The following MDGA2 variants were observed in gnomAD, a reference collection of about 807,000 sequenced individuals.
MDGA2 encodes MAM domain containing glycosylphosphatidylinositol anchor 2, also known as MAM domain-containing glycosylphosphatidylinositol anchor protein 2.
A neutral mutation model predicts 117.8 loss-of-function variants in MDGA2; 40 were observed. The observed-to-expected ratio is 0.34, with a 90% CI of 0.26 to 0.44. MDGA2 has a LOEUF of 0.44. Ranked by LOEUF, MDGA2 falls within the 20% of genes least tolerant of loss-of-function variation. The pLI is 1.00. For missense variants in MDGA2, 1,123 were observed against 1,250.6 expected (o/e 0.90, Z 1.54); for synonymous variants, 452 against 439.0 (o/e 1.03, Z -0.37).
chr14:47,588,980 T>C (rs1412634086), intron 1 of MDGA2, among the ~76,000 whole-genome samples: 1 of 151,878 alleles, frequency 6.6e-6, no homozygotes, highest in Non-Finnish European at 1.5e-5. Flanking sequence ...GGTTCCATCT[T>C]TACATTTCCT....
chr14:46,932,803 TTA>T (rs1340664215), intron 9 of MDGA2, among the ~76,000 whole-genome samples: 9 of 152,016 alleles, frequency 5.9e-5, no homozygotes, highest in Non-Finnish European at 1.3e-4. Flanking sequence ...CCTTACAACA[TTA>T]TGTCTTTTTT....
At chr14:47,286,699 T>C (rs1299021069) in intron 2 of MDGA2, among the ~76,000 whole-genome samples, 4 of 151,494 alleles carry the variant, frequency 2.6e-5, no homozygotes, top group Admixed American at 1.3e-4. Context: ...AGATCCCATA[T>C]ATTTTACCCT....
At position 47,328,141 on chromosome 14, in the gene MDGA2, G is replaced by A. The variant is rs187898408; in HGVS notation, c.281-26591C>T. On this transcript the variant is annotated intron_variant, in intron 1 of 16. Transcript: ENST00000399232. Reference sequence around the variant, plus strand: ...AGCTTCTTCATGATCAAAAGATTGAGGTGATTTTTTAACCATCACTTGACA... The same window carrying A: ...AGCTTCTTCATGATCAAAAGATTGAAGTGATTTTTTAACCATCACTTGACA... Among the ~76,000 whole-genome samples, 40 of 152,184 alleles carry A rather than the reference G, an allele frequency of 2.6e-4. No homozygotes were observed. The East Asian group carries it at 6.8e-3, about 26-fold the overall frequency.
At position 46,863,190 on chromosome 14, in the gene MDGA2, T is replaced by G. The variant is rs190352236; in HGVS notation, c.2753-8036A>C. 3.5e-3 allele frequency among the ~76,000 whole-genome samples: 535 copies of G among 152,166 alleles called. 5 individuals are homozygous for G. Among genetic ancestry groups the G allele is most frequent in the African/African-American group, 0.012 (511 of 41,536 alleles). The stretch of plus-strand genomic sequence containing the variant: ...ACCTCCTATATAATTCCCTCTTTTG[T>G]AGGATGCTTTATATTTCTTCTCTTC... On this transcript the variant is annotated intron_variant, in intron 14 of 16. Coordinates refer to ENST00000399232, the MANE Select transcript of MDGA2 (RefSeq NM_001113498.3).
chr14:47,562,376 T>TTTGG (rs571648710), intron 1 of MDGA2, among the ~76,000 whole-genome samples: 103 of 152,230 alleles, frequency 6.8e-4, no homozygotes, highest in Non-Finnish European at 1.3e-3. Context: ...TGTTTGTTTG[T>TTTGG]TTGGTTGGTT....
chr14:47,225,705 T>C (rs1329637081), intron 2 of MDGA2, among the ~76,000 whole-genome samples: 2 of 151,912 alleles, frequency 1.3e-5, no homozygotes, highest in Non-Finnish European at 2.9e-5. Context: ...GAGATATACC[T>C]AATGCTAAAT....
chr14:47,284,015 C>G (rs1888588063), intron 2 of MDGA2, among the ~76,000 whole-genome samples: 1 of 152,168 alleles, frequency 6.6e-6, no homozygotes, highest in Admixed American at 6.5e-5. Flanking sequence ...ACTTTGGTAG[C>G]CTCTGTCCCC....
chr14:47,255,851 G>A (rs1352492628), intron 2 of MDGA2, among the ~76,000 whole-genome samples: 2 of 151,974 alleles, frequency 1.3e-5, no homozygotes, highest in East Asian at 3.9e-4. Context: ...TCTGGTAAAT[G>A]AGATCATAGA....
chr14:47,022,468 T>A, intron 8 of MDGA2, among the ~76,000 whole-genome samples: 1 of 152,182 alleles, frequency 6.6e-6, no homozygotes, highest in African/African-American at 2.4e-5. Context: ...GATCTAGGCA[T>A]TTTTACAGTA....
intron 9 of MDGA2, among the ~76,000 whole-genome samples, chr14:46,941,180 C>T (rs370086309): frequency 1.1e-4 from 17 of 152,156 alleles, no homozygotes; most frequent in Middle Eastern, 3.4e-3. Flanking sequence ...AGTTGGATCC[C>T]GAGGCTCCTA....
intron 1 of MDGA2, among the ~76,000 whole-genome samples, chr14:47,348,974 A>C (rs79583009): frequency 1.3e-5 from 2 of 152,212 alleles, no homozygotes; most frequent in Non-Finnish European, 2.9e-5. Context: ...AAAGGATGGA[A>C]AAAATAAACT....
chr14:47,673,667 TGTGC>T (rs757122226), intron 1 of MDGA2, among the ~76,000 whole-genome samples: 1 of 143,532 alleles, frequency 7.0e-6, no homozygotes, highest in Non-Finnish European at 1.5e-5. Flanking sequence ...TGTGTGTGTG[TGTGC>T]TTCCATCCTG....
rs1193304203 is a variant in MDGA2, at chr14:47,209,324, T to C, written c.595+8697A>G. Among the ~76,000 whole-genome samples, 6 of 152,096 alleles carry C rather than the reference T, an allele frequency of 3.9e-5. No individual in the cohort carries two copies. The East Asian group carries it at 1.2e-3, about 29-fold the overall frequency. Reference sequence around the variant, plus strand: ...TTAACATTGCAAACTGACAGACTAATTGAAGTGGCCTTCCCAGCCCTCCAG... The same window carrying C: ...TTAACATTGCAAACTGACAGACTAACTGAAGTGGCCTTCCCAGCCCTCCAG... On this transcript the variant is annotated intron_variant, in intron 3 of 16. Transcript: ENST00000399232.
chr14:46,889,758 T>C (rs1487064191), intron 10 of MDGA2, among the ~76,000 whole-genome samples: 3 of 152,006 alleles, frequency 2.0e-5, no homozygotes, highest in African/African-American at 7.2e-5. Flanking sequence ...CCAGGCCCCA[T>C]TCCTTGAAAA....
rs573892252 is a variant in MDGA2, at chr14:47,597,475, C to A, written c.280+77042G>T. ...AAGTTAATAATGTTGGTAAAATTTT[C>A]CAACTATAATATGACTAGCCCCGGG... On this transcript the variant is annotated intron_variant, in intron 1 of 16. Coordinates refer to ENST00000399232, the MANE Select transcript of MDGA2 (RefSeq NM_001113498.3). 1.9e-3 allele frequency among the ~76,000 whole-genome samples: 289 copies of A among 151,954 alleles called. 1 individual carries two copies. Among genetic ancestry groups the A allele is most frequent in the African/African-American group, 6.7e-3 (276 of 41,482 alleles).
At chr14:47,104,250 A>T (rs576321751) in intron 5 of MDGA2, among the ~76,000 whole-genome samples, 13 of 152,190 alleles carry the variant, frequency 8.5e-5, no homozygotes, top group African/African-American at 3.1e-4. Context: ...TTGCACGTAT[A>T]TGCCCAGATG....
chr14:47,098,613 C>G (rs1880120929), intron 5 of MDGA2, among the ~76,000 whole-genome samples: 1 of 151,716 alleles, frequency 6.6e-6, no homozygotes, highest in Non-Finnish European at 1.5e-5. Context: ...AGATATTATA[C>G]TTAATTATTA....
At chr14:47,380,731 C>T (rs1310788976) in intron 1 of MDGA2, among the ~76,000 whole-genome samples, 2 of 151,864 alleles carry the variant, frequency 1.3e-5, no homozygotes, top group African/African-American at 2.4e-5. Flanking sequence ...AGCCTACCAA[C>T]CAAAAAATGT....
rs565673499 is a variant in MDGA2, at chr14:47,081,453, C to T, written c.1195+15401G>A. Reference sequence around the variant, plus strand: ...AACAATATACTACCCACTTATAATGCAACTTCTAAACATATAACATCTGTG... The same window carrying T: ...AACAATATACTACCCACTTATAATGTAACTTCTAAACATATAACATCTGTG... On this transcript the variant is annotated intron_variant, in intron 6 of 16. Coordinates refer to ENST00000399232, the MANE Select transcript of MDGA2 (RefSeq NM_001113498.3). 8.5e-5 allele frequency among the ~76,000 whole-genome samples: 13 copies of T among 152,210 alleles called. No individual in the cohort carries two copies. The South Asian group carries it at 2.7e-3, about 32-fold the overall frequency.
Sources: gnomAD v4.1 joint callset for allele counts (sites outside exome capture counted in the v4.1 genomes callset) on GRCh38, gnomAD v4.1.1 for gene constraint, MANE v1.5 for transcripts, NCBI Gene and HGNC (gene_info 2026-07-23, HGNC 2026-07-21) for gene names.